MIPOL1: variants seen among roughly 807,000 people sequenced by gnomAD.
MIPOL1 encodes the protein mirror-image polydactyly gene 1 protein.
A neutral mutation model predicts 60.9 loss-of-function variants in MIPOL1; 57 were observed. The observed-to-expected ratio is 0.94, with a 90% CI of 0.76 to 1.17. The LOEUF is 1.17. MIPOL1 is among the 50% of genes most tolerant of loss of function. The probability of loss-of-function intolerance (pLI) is 0.00; values close to 1 mark genes in which losing one functional copy is unlikely to be tolerated. For synonymous variants in MIPOL1, 179 were observed against 168.8 expected (o/e 1.06, Z -0.47); for missense variants, 551 against 511.6 (o/e 1.08, Z -0.74).
At chr14:37,318,059 G>C (rs1212862076) in intron 9 of MIPOL1, among the ~76,000 whole-genome samples, 1 of 152,142 alleles carries the variant, frequency 6.6e-6, no homozygotes, top group Admixed American at 6.6e-5. Context: ...TCCTCATTTG[G>C]CGTCTGCATG....
chr14:37,538,261 C>T (rs1436462856), intron 12 of MIPOL1, among the ~76,000 whole-genome samples: 1 of 152,174 alleles, frequency 6.6e-6, no homozygotes, highest in African/African-American at 2.4e-5. Context: ...CAAACTGTCT[C>T]ATAATAACTT....
chr14:37,335,733 A>G (rs1330059610), intron 9 of MIPOL1, among the ~76,000 whole-genome samples: 5 of 151,988 alleles, frequency 3.3e-5, no homozygotes, highest in African/African-American at 1.2e-4. Context: ...TTCATTGGAG[A>G]AATATCTTCT....
rs1299931955 is a variant in MIPOL1 at position 37,299,059 on chromosome 14, CAAT to C, written c.624-8996_624-8994del. ...ACTTGGAACCAACCCAAATGTCCAA[CAAT>C]GATAGACTGGTTAAGAAAATGTGGC... is the stretch of plus-strand genomic sequence containing the variant. On this transcript the variant is annotated intron_variant, in intron 7 of 12. Coordinates refer to ENST00000684589, the MANE Select transcript of MIPOL1 (RefSeq NM_001388067.1). Among the ~76,000 whole-genome samples, 21 of 152,144 alleles carry C rather than the reference CAAT, an allele frequency of 1.4e-4. No individual in the cohort carries two copies. In the East Asian group the frequency reaches 3.3e-3, roughly 24 times the overall value.
At chr14:37,538,984 C>T (rs959631711) in intron 12 of MIPOL1, among the ~76,000 whole-genome samples, 11 of 151,958 alleles carry the variant, frequency 7.2e-5, no homozygotes, top group African/African-American at 2.4e-4. Context: ...AGGCGGATCA[C>T]GAGGTCAGGA....
intron 10 of MIPOL1, chr14:37,401,119 G>A (rs2093473421): frequency 6.6e-6 from 1 of 151,952 alleles, no homozygotes; most frequent in African/African-American, 2.4e-5. Flanking sequence ...ATAATGATTT[G>A]GAACAGCAAA....
chr14:37,411,119 G>A (rs2093674473), intron 10 of MIPOL1, among the ~76,000 whole-genome samples: 1 of 151,928 alleles, frequency 6.6e-6, no homozygotes. Flanking sequence ...AATATAAAAA[G>A]CATATCAGAC....
At chr14:37,287,355 T>G (rs2084661010) in intron 7 of MIPOL1, among the ~76,000 whole-genome samples, 1 of 152,078 alleles carries the variant, frequency 6.6e-6, no homozygotes, top group African/African-American at 2.4e-5. Flanking sequence ...GTGATCCTCC[T>G]ACCTCAGCCT....
chr14:37,424,507 G>A lies in MIPOL1; in HGVS notation c.1031+1558G>A, dbSNP rs78726908. Among the ~76,000 whole-genome samples, 15 of 152,272 alleles carry A rather than the reference G, an allele frequency of 9.9e-5. No homozygotes were observed. In the East Asian group the frequency reaches 2.9e-3, roughly 29 times the overall value. On this transcript the variant is annotated intron_variant, in intron 11 of 12. Transcript: ENST00000684589. ...GACTCTCCTTTACAGTTGTCAGAAA[G>A]AACATAGCCCAGCCGACACCTGATT...
intron 11 of MIPOL1, among the ~76,000 whole-genome samples, chr14:37,428,028 A>G (rs2093995505): frequency 6.6e-6 from 1 of 152,182 alleles, no homozygotes; most frequent in African/African-American, 2.4e-5. Context: ...TTACATATAC[A>G]TTTATACATG....
intron 6 of MIPOL1, among the ~76,000 whole-genome samples, chr14:37,274,393 C>A (rs1177643557): frequency 1.3e-5 from 2 of 151,400 alleles, no homozygotes; most frequent in Non-Finnish European, 3.0e-5. Flanking sequence ...TTTCTCACAT[C>A]ACCATCATTA....
intron 12 of MIPOL1, among the ~76,000 whole-genome samples, chr14:37,521,885 G>GA (rs71449997): frequency 0.024 from 3,080 of 130,244 alleles, 93 homozygotes; most frequent in African/African-American, 0.063. Flanking sequence ...TTTATCTAAA[G>GA]AAAAAAAAAT....
At position 37,500,120 on chromosome 14, in the gene MIPOL1, C is replaced by T; in HGVS notation, c.1244C>T (p.Ala415Val). ...LQHAREASQV[A>V]NEKVQKLERL... The stretch of plus-strand genomic sequence containing the variant: ...CATGCCAGAGAGGCCTCCCAAGTGG[C>T]CAATGAAAAAGTTCAAAAGTAAGTT... Residue 415 changes from alanine to valine, a missense_variant, in exon 12 of 13, where the codon GCC becomes GTC. By Grantham distance (64) the Ala-to-Val change is moderately conservative. Coordinates refer to ENST00000684589, the MANE Select transcript of MIPOL1 (RefSeq NM_001388067.1). 1.2e-6 allele frequency: 2 copies of T among 1,603,428 alleles called. No individual in the cohort carries two copies. Among genetic ancestry groups the T allele is most frequent in the Non-Finnish European group, 1.7e-6 (2 of 1,175,104 alleles).
intron 2 of MIPOL1, 175 bp from the exon 3 acceptor site, chr14:37,247,654 C>T (rs957817699): frequency 6.4e-6 from 3 of 468,166 alleles, no homozygotes; most frequent in Admixed American, 7.7e-5. Context: ...AGAAAAGAAC[C>T]TTTTTCTGAG....
intron 3 of MIPOL1, among the ~76,000 whole-genome samples, chr14:37,259,057 G>T (rs892745569): frequency 6.6e-6 from 1 of 152,106 alleles, no homozygotes; most frequent in African/African-American, 2.4e-5. Context: ...ATAACCATGT[G>T]TAGGAGTATA....
chr14:37,202,917 TG>T (rs202215668), intron 1 of MIPOL1, among the ~76,000 whole-genome samples: 1 of 152,218 alleles, frequency 6.6e-6, no homozygotes, highest in East Asian at 1.9e-4. Flanking sequence ...TGAATGTATT[TG>T]TCTATTGCTT....
chr14:37,546,807 T>C, intron 12 of MIPOL1, 98 bp from the exon 13 acceptor site: 3 of 917,854 alleles, frequency 3.3e-6, no homozygotes, highest in Admixed American at 2.1e-5. Context: ...TGAGGACTGC[T>C]TGGTCACAGG....
chr14:37,295,576 A>C (rs1392111412), intron 7 of MIPOL1, among the ~76,000 whole-genome samples: 2 of 152,298 alleles, frequency 1.3e-5, no homozygotes, highest in Middle Eastern at 3.4e-3. Context: ...ATGCAGAGAC[A>C]CACATAGGCT....
intron 10 of MIPOL1, among the ~76,000 whole-genome samples, chr14:37,384,689 A>G (rs1955953): frequency 0.97 from 147,224 of 151,978 alleles, 71,384 homozygotes; most frequent in East Asian, 1. Flanking sequence ...TTCCCTTAAC[A>G]GTACCTGTTT....
At chr14:37,427,553 A>AT (rs1052953995) in intron 11 of MIPOL1, among the ~76,000 whole-genome samples, 9 of 152,308 alleles carry the variant, frequency 5.9e-5, no homozygotes, top group African/African-American at 2.2e-4. Context: ...AGTTAAAATG[A>AT]TTAAAATAGT....
Sources: gnomAD v4.1 joint callset for allele counts (sites outside exome capture counted in the v4.1 genomes callset) on GRCh38, gnomAD v4.1.1 for gene constraint, MANE v1.5 for transcripts, NCBI Gene and HGNC (gene_info 2026-07-23, HGNC 2026-07-21) for gene names.